Variants in ZGPAT observed in about 807,000 individuals in gnomAD.
The protein encoded by ZGPAT is zinc finger CCCH-type with G patch domain-containing protein.
A neutral mutation model predicts 47.9 loss-of-function variants in ZGPAT; 39 were observed. That is an observed-to-expected ratio of 0.81 (90% confidence interval 0.63 to 1.06). The LOEUF is 1.06. ZGPAT is among the 50% of genes least tolerant of loss of function. The pLI, the probability that ZGPAT is intolerant of heterozygous loss-of-function variation, is 0.00. For synonymous variants in ZGPAT, 348 were observed against 292.9 expected, an observed-to-expected ratio of 1.19 and a Z score of -1.92; for missense variants, 717 against 681.4, an observed-to-expected ratio of 1.05 and a Z score of -0.58.
chr20:63,719,395 A>C (rs1601326648), intron 2 of ZGPAT, among the ~76,000 whole-genome samples: 1 of 152,226 alleles, frequency 6.6e-6, no homozygotes, highest in African/African-American at 2.4e-5. Context: ...ATGGAACTTT[A>C]TGCATACATT....
In ZGPAT at chr20:63,735,478, G is replaced by T; in HGVS notation, c.1311G>T (p.Leu437=). The part of the protein sequence containing the change: ...ASKSAKRALS[L]RLFQTEEKIE... ...AGAGTGCCAAGCGGGCCCTGAGCCT[G>T]CGGCTCTTCCAGACTGAGGAGAAGA... The change falls in exon 6 of 7, where the codon CTG becomes CTT. Residue 437 remains leucine (L), a synonymous_variant. Transcript: ENST00000355969. The T allele has an allele frequency of 6.4e-7, 1 of 1,553,252 alleles. No individual in the cohort carries two copies. The highest frequency in any genetic ancestry group is 1.4e-5 in the African/African-American group (1 of 72,548).
intron 4 of ZGPAT, chr20:63,734,484 G>C: frequency 1.2e-6 from 1 of 829,656 alleles, no homozygotes; most frequent in Non-Finnish European, 1.9e-6. Flanking sequence ...CACTCTGCCT[G>C]GTGTCACATG....
At position 63,735,984 on chromosome 20, in the gene ZGPAT, T is replaced by G; in HGVS notation, c.*65T>G. 1 of 1,562,224 alleles carries G rather than the reference T, an allele frequency of 6.4e-7. No individual in the cohort carries two copies. Among genetic ancestry groups the G allele is most frequent in the African/African-American group, 1.4e-5 (1 of 73,772 alleles). Reference sequence around the variant, plus strand: ...CACGGGCTGCCCTCAGGAAGACCAGTGTTGCCCGAGGAGGGGCCGGCCTGC... The same window carrying G: ...CACGGGCTGCCCTCAGGAAGACCAGGGTTGCCCGAGGAGGGGCCGGCCTGC... On this transcript the variant is annotated 3_prime_UTR_variant, in exon 7 of 7. Transcript: ENST00000355969.
chr20:63,733,137 A>C, intron 2 of ZGPAT, 82 bp from the exon 3 acceptor site: 1 of 1,557,530 alleles, frequency 6.4e-7, no homozygotes, highest in Non-Finnish European at 8.7e-7. Context: ...GACAGTGCCC[A>C]GGCGGATGGG....
At chr20:63,719,511 C>T (rs1174546801) in intron 2 of ZGPAT, among the ~76,000 whole-genome samples, 2 of 152,084 alleles carry the variant, frequency 1.3e-5, no homozygotes, top group African/African-American at 2.4e-5. Context: ...GACCTGTCCT[C>T]AAGTTCACTG....
chr20:63,711,014 C>T (rs1382094116), intron 2 of ZGPAT, among the ~76,000 whole-genome samples: 1 of 149,202 alleles, frequency 6.7e-6, no homozygotes, highest in Non-Finnish European at 1.5e-5. Context: ...AGTTCTAGTT[C>T]TTTGAATGTC....
At position 63,724,481 on chromosome 20, in the gene ZGPAT, A is replaced by G. The variant is rs1346687156; in HGVS notation, c.585-8738A>G. ...AGGATCACTTGAGGCCAGGAGTTCA[A>G]CACCAGCCTGGGCAACATAGCGAGA... On this transcript the variant is annotated intron_variant, in intron 2 of 6. Transcript: ENST00000355969. Among the ~76,000 whole-genome samples the G allele has an allele frequency of 2.6e-5, 4 of 152,212 alleles. No homozygotes were observed. The East Asian group carries it at 5.8e-4, about 22-fold the overall frequency.
chr20:63,714,255 A>G (rs1036454012), intron 2 of ZGPAT, among the ~76,000 whole-genome samples: 2 of 151,904 alleles, frequency 1.3e-5, no homozygotes, highest in Admixed American at 6.6e-5. Flanking sequence ...GCGAAACCCC[A>G]TCTCTACTAA....
At position 63,713,164 on chromosome 20, in the gene ZGPAT, C is replaced by T. The variant is rs550622203; in HGVS notation, c.584+4000C>T. 2.9e-4 allele frequency among the ~76,000 whole-genome samples: 44 copies of T among 151,794 alleles called. 1 individual carries two copies. Among genetic ancestry groups the T allele is most frequent in the East Asian group, 2.2e-3 (11 of 5,046 alleles). On this transcript the variant is annotated intron_variant, in intron 2 of 6. Transcript: ENST00000355969. Reference sequence around the variant, plus strand: ...TTGGCTCACTGCAACCTCTGCCTCCCGGGTTCAAGCAATTCTTCTGCTCAG... The same window carrying T: ...TTGGCTCACTGCAACCTCTGCCTCCTGGGTTCAAGCAATTCTTCTGCTCAG...
intron 2 of ZGPAT, among the ~76,000 whole-genome samples, chr20:63,732,543 A>G (rs2091923762): frequency 6.6e-6 from 1 of 151,850 alleles, no homozygotes. Flanking sequence ...GTGTGCGTAT[A>G]TCCATGTATG....
chr20:63,717,332 CTTT>C (rs1173734420), intron 2 of ZGPAT, among the ~76,000 whole-genome samples: 98 of 60,954 alleles, frequency 1.6e-3, no homozygotes, highest in African/African-American at 6.2e-3. Context: ...TTTTTCTTTT[CTTT>C]TTTTTTTTTT....
At chr20:63,731,208 G>A (rs1053320253) in intron 2 of ZGPAT, among the ~76,000 whole-genome samples, 9 of 152,182 alleles carry the variant, frequency 5.9e-5, no homozygotes, top group African/African-American at 2.2e-4. Flanking sequence ...CTCCAGCAGA[G>A]GCGATGGGAC....
At chr20:63,712,077 C>T (rs984040171) in intron 2 of ZGPAT, among the ~76,000 whole-genome samples, 2 of 152,124 alleles carry the variant, frequency 1.3e-5, no homozygotes, top group East Asian at 1.9e-4. Context: ...AAGAAACCAC[C>T]TCATCCATAG....
intron 2 of ZGPAT, among the ~76,000 whole-genome samples, chr20:63,722,874 G>T (rs539862414): frequency 1.2e-4 from 19 of 152,068 alleles, no homozygotes; most frequent in Non-Finnish European, 2.4e-4. Context: ...CAGGTGATCC[G>T]CCCATCTTGG....
chr20:63,712,478 C>T (rs2091678699), intron 2 of ZGPAT, among the ~76,000 whole-genome samples: 1 of 152,208 alleles, frequency 6.6e-6, no homozygotes, highest in Non-Finnish European at 1.5e-5. Context: ...TTTCTGGATC[C>T]TTTGCAATTT....
At chr20:63,729,920 C>A (rs527705044) in intron 2 of ZGPAT, among the ~76,000 whole-genome samples, 2 of 151,734 alleles carry the variant, frequency 1.3e-5, no homozygotes, top group East Asian at 3.9e-4. Context: ...ACTTGGGAGG[C>A]TGAGGCAAGA....
At chr20:63,711,952 A>G (rs751750737) in intron 2 of ZGPAT, among the ~76,000 whole-genome samples, 1 of 152,090 alleles carries the variant, frequency 6.6e-6, no homozygotes, top group Non-Finnish European at 1.5e-5. Flanking sequence ...ATTTGCTCCC[A>G]TTGTTTGGGT....
chr20:63,725,927 C>T (rs545774317), intron 2 of ZGPAT, among the ~76,000 whole-genome samples: 4 of 149,548 alleles, frequency 2.7e-5, no homozygotes, highest in African/African-American at 7.4e-5. Context: ...CCACCACCTT[C>T]GAGGTTCAAG....
At chr20:63,725,733 C>G (rs1368392601) in intron 2 of ZGPAT, among the ~76,000 whole-genome samples, 2 of 146,408 alleles carry the variant, frequency 1.4e-5, no homozygotes, top group Non-Finnish European at 3.0e-5. Context: ...GGGAGTACCA[C>G]TGCATGTATG....
Sources: allele counts gnomAD v4.1 joint callset (sites outside exome capture counted in the v4.1 genomes callset), GRCh38; gene constraint gnomAD v4.1.1; transcripts MANE v1.5; gene names NCBI Gene and HGNC (gene_info 2026-07-23, HGNC 2026-07-21).